Variants in ZC4H2 observed in about 807,000 individuals in gnomAD.
ZC4H2 encodes zinc finger C4H2 domain-containing protein.
For missense variants in ZC4H2, 137 were observed against 173.9 expected, an observed-to-expected ratio of 0.79 and a Z score of 1.19; for synonymous variants, 84 against 66.3, an observed-to-expected ratio of 1.27 and a Z score of -1.30.
At chrX:64,958,784 G>C (rs1054253658) in intron 1 of ZC4H2, among the ~76,000 whole-genome samples, 2 of 111,326 alleles carry the variant, frequency 1.8e-5, no homozygotes, top group African/African-American at 6.5e-5. Context: ...CAGTGCATAA[G>C]GGCTCTTGTA....
intron 1 of ZC4H2, among the ~76,000 whole-genome samples, chrX:65,019,595 G>A (rs920438529): frequency 2.7e-5 from 3 of 112,220 alleles, no homozygotes; most frequent in Non-Finnish European, 5.6e-5. Context: ...GTGCAAAAAG[G>A]CTAAAAATTC....
intron 1 of ZC4H2, among the ~76,000 whole-genome samples, chrX:65,009,532 C>T (rs1401813845): frequency 8.9e-6 from 1 of 112,119 alleles, no homozygotes; most frequent in Non-Finnish European, 1.9e-5. Flanking sequence ...GTATAGCAAA[C>T]AATCTTGGAA....
At chrX:64,974,953 C>T (rs1315785821) in intron 1 of ZC4H2, among the ~76,000 whole-genome samples, 1 of 85,235 alleles carries the variant, frequency 1.2e-5, no homozygotes, top group Non-Finnish European at 2.1e-5. Flanking sequence ...CACTTTCTAG[C>T]TAGCTTCTGA....
At chrX:64,991,447 G>A (rs760710286) in intron 1 of ZC4H2, among the ~76,000 whole-genome samples, 40 of 111,472 alleles carry the variant, frequency 3.6e-4, no homozygotes, top group Admixed American at 1.4e-3. Flanking sequence ...GCAGTGGTGC[G>A]AGCCTGTAAA....
intron 1 of ZC4H2, among the ~76,000 whole-genome samples, chrX:65,024,560 GA>G (rs921552751): frequency 2.7e-5 from 3 of 111,403 alleles, no homozygotes; most frequent in East Asian, 2.8e-4. Flanking sequence ...ATCATTATAT[GA>G]AAAAAACAAA....
intron 1 of ZC4H2, among the ~76,000 whole-genome samples, chrX:64,994,368 G>A (rs1438611761): frequency 8.9e-6 from 1 of 112,214 alleles, no homozygotes; most frequent in Admixed American, 9.5e-5. Flanking sequence ...CAGAGCTCAT[G>A]TGTTGACCAC....
intron 1 of ZC4H2, among the ~76,000 whole-genome samples, chrX:64,972,716 T>C (rs1327558328): frequency 1.8e-5 from 2 of 111,837 alleles, no homozygotes; most frequent in Non-Finnish European, 3.8e-5. Context: ...TATCCCAGAT[T>C]TCCTTTGGGA....
intron 1 of ZC4H2, among the ~76,000 whole-genome samples, chrX:65,032,518 G>A (rs1333807249): frequency 2.7e-5 from 3 of 111,417 alleles, no homozygotes; most frequent in African/African-American, 3.3e-5. Context: ...ATTCATAATT[G>A]TAATATATAT....
intron 1 of ZC4H2, among the ~76,000 whole-genome samples, chrX:64,923,398 A>T (rs943586612): frequency 9.0e-6 from 1 of 110,668 alleles, no homozygotes; most frequent in African/African-American, 3.3e-5. Flanking sequence ...CTGCCTAGCC[A>T]TTATCCCCTT....
chrX:64,992,330 C>T (rs760875487), intron 1 of ZC4H2, among the ~76,000 whole-genome samples: 6 of 111,477 alleles, frequency 5.4e-5, no homozygotes, highest in Non-Finnish European at 1.1e-4. Context: ...TCAGATTGAA[C>T]ATCCCTCAAT....
At chrX:64,944,832 T>C (rs1033873985) in intron 1 of ZC4H2, among the ~76,000 whole-genome samples, 1 of 112,281 alleles carries the variant, frequency 8.9e-6, no homozygotes, top group African/African-American at 3.2e-5. Context: ...AAAGTTGGTC[T>C]TCAATCTCTA....
At chrX:64,999,051 T>G (rs1334753028) in intron 1 of ZC4H2, among the ~76,000 whole-genome samples, 2 of 96,308 alleles carry the variant, frequency 2.1e-5, no homozygotes, top group East Asian at 3.2e-4. Context: ...TTTTTTTTTT[T>G]TTTTTTTTTT....
At chrX:64,992,889 A>G (rs1473265037) in intron 1 of ZC4H2, among the ~76,000 whole-genome samples, 1 of 111,263 alleles carries the variant, frequency 9.0e-6, no homozygotes, top group African/African-American at 3.3e-5. Context: ...CCCAGGTCCT[A>G]CTTCCTTGGT....
At chrX:64,951,654 T>C (rs751171215) in intron 1 of ZC4H2, among the ~76,000 whole-genome samples, 1 of 111,766 alleles carries the variant, frequency 8.9e-6, no homozygotes, top group South Asian at 3.7e-4. Context: ...GGTTGTTTGT[T>C]TTTTCTTGTA....
Position 64,999,750 on chromosome X carries a change from T to C in ZC4H2, c.-272+34879A>G, listed in dbSNP as rs897860781. On this transcript the variant is annotated intron_variant, in intron 1 of 4. Coordinates refer to the ZC4H2 transcript ENST00000337990. The stretch of plus-strand genomic sequence containing the variant: ...GTCGACCTGGGGCTCTCGAGCTTGG[T>C]AGGGGGACGGGCATCCACCATTACT... 4.5e-5 allele frequency among the ~76,000 whole-genome samples: 5 copies of C among 111,813 alleles called. No individual in the cohort carries two copies. In the South Asian group the frequency reaches 1.9e-3, roughly 43 times the overall value.
At chrX:65,004,280 A>G (rs1932612107) in intron 1 of ZC4H2, among the ~76,000 whole-genome samples, 1 of 111,937 alleles carries the variant, frequency 8.9e-6, no homozygotes, top group South Asian at 3.8e-4. Flanking sequence ...CATAAGAATA[A>G]AAGAAAATGT....
At chrX:64,992,356 G>A (rs939553771) in intron 1 of ZC4H2, among the ~76,000 whole-genome samples, 2 of 111,194 alleles carry the variant, frequency 1.8e-5, no homozygotes, top group Admixed American at 9.6e-5. Flanking sequence ...TCAGCTACAC[G>A]TCTGCTAAGA....
At chrX:64,972,708 T>A (rs1931821782) in intron 1 of ZC4H2, among the ~76,000 whole-genome samples, 1 of 111,767 alleles carries the variant, frequency 8.9e-6, no homozygotes, top group Non-Finnish European at 1.9e-5. Context: ...ATAATTCCTA[T>A]CCCAGATTTC....
At chrX:64,951,947 G>A (rs1304037703) in intron 1 of ZC4H2, among the ~76,000 whole-genome samples, 1 of 111,611 alleles carries the variant, frequency 9.0e-6, no homozygotes, top group Non-Finnish European at 1.9e-5. Flanking sequence ...TAACGTTTAA[G>A]TCTTTAATCC....
Sources: allele counts gnomAD v4.1 joint callset (sites outside exome capture counted in the v4.1 genomes callset), GRCh38; gene constraint gnomAD v4.1.1; transcripts MANE v1.5; gene names NCBI Gene and HGNC (gene_info 2026-07-23, HGNC 2026-07-21).